The following LRRC37A2 variants were observed in gnomAD, a reference collection of about 807,000 sequenced individuals.
LRRC37A2 encodes the protein leucine rich repeat containing 37 member A2.
In LRRC37A2, 9 loss-of-function variants were observed where a neutral mutation model predicts 68.8. The ratio of observed to expected loss-of-function variants is 0.13; its 90% confidence interval spans 0.08 to 0.23. The LOEUF (loss-of-function observed/expected upper bound fraction) is 0.23. Among genes scored for constraint, LRRC37A2 ranks in the 10% least tolerant of loss-of-function variants. LRRC37A2 has a pLI of 1.00. For missense variants in LRRC37A2, 168 were observed against 950.4 expected, an observed-to-expected ratio of 0.18 and a Z score of 10.82; for synonymous variants, 63 against 367.6, an observed-to-expected ratio of 0.17 and a Z score of 9.48.
chr17:46,943,518 C>G, the LRRC37A2 span, among the ~76,000 whole-genome samples: 1 of 152,228 alleles, frequency 6.6e-6, no homozygotes, highest in Admixed American at 6.5e-5. Flanking sequence ...CTCCAAGAAG[C>G]CTGCCCCTCC....
At chr17:46,516,244 A>G (rs1480316687) in intron 2 of LRRC37A2, among the ~76,000 whole-genome samples, 2 of 136,486 alleles carry the variant, frequency 1.5e-5, no homozygotes, top group African/African-American at 5.2e-5. Context: ...CAGAGCTTGC[A>G]GTGAGCCGAG....
chr17:46,963,709 T>C, the LRRC37A2 span: 1 of 152,230 alleles, frequency 6.6e-6, no homozygotes, highest in Non-Finnish European at 1.5e-5. Flanking sequence ...AAAGAACATA[T>C]GTTCTTGACA....
chr17:46,906,912 C>A, the LRRC37A2 span, among the ~76,000 whole-genome samples: 3 of 152,168 alleles, frequency 2.0e-5, no homozygotes, highest in African/African-American at 7.2e-5. Flanking sequence ...AGAGTCCTAC[C>A]TGGAGCTCAC....
At chr17:46,859,955 T>C in the LRRC37A2 span, among the ~76,000 whole-genome samples, 1 of 152,222 alleles carries the variant, frequency 6.6e-6, no homozygotes, top group Non-Finnish European at 1.5e-5. Context: ...GATAGTATTG[T>C]TTTTATTTTT....
At chr17:46,721,692 C>T in the LRRC37A2 span, 262 of 1,606,496 alleles carry the variant, frequency 1.6e-4, no homozygotes, top group Middle Eastern at 5.0e-3. Context: ...TGTGCTTTGT[C>T]CAAATGAACC....
the LRRC37A2 span, chr17:46,936,367 G>C: frequency 1.0e-6 from 1 of 985,376 alleles, no homozygotes; most frequent in Non-Finnish European, 1.2e-6. Flanking sequence ...ACTCAAGTCT[G>C]GCAGCGCTGG....
chr17:46,866,011 G>A, the LRRC37A2 span, among the ~76,000 whole-genome samples: 1 of 152,260 alleles, frequency 6.6e-6, no homozygotes, highest in African/African-American at 2.4e-5. Context: ...GGAGAGAGTT[G>A]GGCATAAAGG....
chr17:46,976,170 C>T, the LRRC37A2 span, among the ~76,000 whole-genome samples: 13 of 151,790 alleles, frequency 8.6e-5, no homozygotes, highest in African/African-American at 3.1e-4. Context: ...TCGTGATCTG[C>T]CCGCCTCGGC....
At chr17:46,723,143 G>A in the LRRC37A2 span, among the ~76,000 whole-genome samples, 1 of 152,302 alleles carries the variant, frequency 6.6e-6, no homozygotes, top group African/African-American at 2.4e-5. Context: ...GCAATGTCCT[G>A]AGTAAGGTCC....
chr17:46,785,847 A>G, the LRRC37A2 span, among the ~76,000 whole-genome samples: 1 of 142,646 alleles, frequency 7.0e-6, no homozygotes, highest in African/African-American at 2.5e-5. Context: ...AGAAAAGGGA[A>G]GGGAGGGAAG....
At chr17:46,824,004 C>T in the LRRC37A2 span, among the ~76,000 whole-genome samples, 2 of 152,316 alleles carry the variant, frequency 1.3e-5, no homozygotes, top group Non-Finnish European at 2.9e-5. Flanking sequence ...TCTCTCAGGT[C>T]TCTCTTCCTG....
the LRRC37A2 span, among the ~76,000 whole-genome samples, chr17:46,883,694 G>A: frequency 1.6e-3 from 247 of 152,308 alleles, no homozygotes; most frequent in African/African-American, 5.6e-3. Flanking sequence ...CTCTTCCCGG[G>A]GAGTGCTGGG....
At chr17:46,738,146 C>G in the LRRC37A2 span, among the ~76,000 whole-genome samples, 3 of 152,140 alleles carry the variant, frequency 2.0e-5, no homozygotes, top group East Asian at 5.8e-4. Flanking sequence ...GTTACCCAGG[C>G]TGGTCTCAAA....
At chr17:46,983,490 T>C in the LRRC37A2 span, among the ~76,000 whole-genome samples, 3 of 151,948 alleles carry the variant, frequency 2.0e-5, no homozygotes, top group African/African-American at 7.3e-5. Context: ...ACACAGGGTT[T>C]CACCATGTTG....
chr17:46,895,750 T>A, the LRRC37A2 span, among the ~76,000 whole-genome samples: 1 of 152,348 alleles, frequency 6.6e-6, no homozygotes, highest in South Asian at 2.1e-4. Flanking sequence ...TCCCCACGGC[T>A]CTGTGCTGGT....
chr17:46,783,831 G>T, the LRRC37A2 span, among the ~76,000 whole-genome samples: 4 of 152,258 alleles, frequency 2.6e-5, no homozygotes, highest in Non-Finnish European at 5.9e-5. Flanking sequence ...CAGAGAAGCA[G>T]AGGAGGGGAA....
the LRRC37A2 span, among the ~76,000 whole-genome samples, chr17:46,454,286 G>T: frequency 1.0e-5 from 1 of 98,574 alleles, no homozygotes; most frequent in Non-Finnish European, 2.2e-5. Flanking sequence ...CATATTCTTT[G>T]AGTTTTGTAG....
the LRRC37A2 span, among the ~76,000 whole-genome samples, chr17:46,962,666 G>T: frequency 0.45 from 67,871 of 151,922 alleles, 15,371 homozygotes; most frequent in South Asian, 0.52. Flanking sequence ...TCTCAGCAGA[G>T]CCCAGCCTTC....
chr17:46,715,720 G>A, the LRRC37A2 span, among the ~76,000 whole-genome samples: 6 of 152,122 alleles, frequency 3.9e-5, no homozygotes, highest in South Asian at 2.1e-4. Flanking sequence ...GACTTGAAGG[G>A]GGAAGGTAAT....
Sources: allele counts gnomAD v4.1 joint callset (sites outside exome capture counted in the v4.1 genomes callset), GRCh38; gene constraint gnomAD v4.1.1; transcripts MANE v1.5; gene names NCBI Gene and HGNC (gene_info 2026-07-23, HGNC 2026-07-21).